ACVR1: variants seen among roughly 807,000 people sequenced by gnomAD.
ACVR1 encodes activin receptor type-1.
Under a neutral mutation model 57.1 loss-of-function variants are expected in ACVR1, and 38 were observed. That is an observed-to-expected ratio of 0.67 (90% CI 0.51 to 0.87). The LOEUF (loss-of-function observed/expected upper bound fraction) is 0.87, where lower values mean the gene tolerates loss of function less well. Among genes scored for constraint, ACVR1 ranks in the 40% least tolerant of loss-of-function variants. The pLI is 0.00. For synonymous variants in ACVR1, 212 were observed against 228.1 expected (o/e 0.93, Z 0.63); for missense variants, 463 against 638.2 (o/e 0.73, Z 2.96).
chr2:157,778,378 G>A lies in ACVR1; in HGVS notation c.332-36C>T, dbSNP rs761940481. ...AGGGAAAAGGGGGAATTAGTTGTAA[G>A]GATCACTGCTTACTTATTATTAGCA... On this transcript the variant is annotated intron_variant, in intron 4 of 10. Coordinates refer to ENST00000434821, the MANE Select transcript of ACVR1 (RefSeq NM_001111067.4). The A allele has an allele frequency of 4.6e-6, 7 of 1,533,760 alleles. No homozygotes were observed. The African/African-American group carries it at 9.5e-5, about 21-fold the overall frequency.
intron 9 of ACVR1, among the ~76,000 whole-genome samples, chr2:157,741,973 G>A (rs1242976080): frequency 6.6e-6 from 1 of 152,062 alleles, no homozygotes; most frequent in Non-Finnish European, 1.5e-5. Context: ...GCAGAGGGAG[G>A]CTATGGGGCA....
intron 8 of ACVR1, 52 bp from the exon 9 acceptor site, chr2:157,761,129 G>A: frequency 6.3e-7 from 1 of 1,587,280 alleles, no homozygotes; most frequent in Non-Finnish European, 8.6e-7. Context: ...TCTCATAAGA[G>A]GCTGCTGAAG....
At chr2:157,835,200 C>T (rs1056761592) in intron 1 of ACVR1, among the ~76,000 whole-genome samples, 4 of 152,176 alleles carry the variant, frequency 2.6e-5, no homozygotes, top group East Asian at 1.9e-4. Context: ...CACTATGCCC[C>T]CTTCCTCCCC....
At chr2:157,789,854 G>A (rs1033844990) in intron 3 of ACVR1, among the ~76,000 whole-genome samples, 4 of 152,210 alleles carry the variant, frequency 2.6e-5, no homozygotes, top group Non-Finnish European at 5.9e-5. Context: ...TTCTAAAGCT[G>A]AGGCTGTATA....
chr2:157,834,738 CA>C (rs1229337954), intron 1 of ACVR1, among the ~76,000 whole-genome samples: 1 of 152,114 alleles, frequency 6.6e-6, no homozygotes, highest in Non-Finnish European at 1.5e-5. Context: ...TGTATCCTCT[CA>C]AATTCATATG....
intron 2 of ACVR1, among the ~76,000 whole-genome samples, chr2:157,809,378 G>C (rs1237757233): frequency 6.6e-6 from 1 of 152,118 alleles, no homozygotes; most frequent in African/African-American, 2.4e-5. Flanking sequence ...ATTGTGGTAT[G>C]ACTCAACAAA....
chr2:157,862,433 ACAC>A (rs1171339904), intron 1 of ACVR1, among the ~76,000 whole-genome samples: 3 of 132,560 alleles, frequency 2.3e-5, no homozygotes, highest in Non-Finnish European at 5.1e-5. Context: ...ACACACACAC[ACAC>A]ACACACACAC....
chr2:157,809,829 C>G (rs1305980244), intron 2 of ACVR1, among the ~76,000 whole-genome samples: 1 of 152,116 alleles, frequency 6.6e-6, no homozygotes, highest in Non-Finnish European at 1.5e-5. Context: ...AATCCCAGCA[C>G]TTTGGGAGGC....
chr2:157,812,365 A>C lies in ACVR1; in HGVS notation c.-8+6020T>G, dbSNP rs557404540. Among the ~76,000 whole-genome samples, 4 of 152,298 alleles carry C rather than the reference A, an allele frequency of 2.6e-5. No individual in the cohort carries two copies. In the East Asian group the frequency reaches 7.7e-4, roughly 29 times the overall value. On this transcript the variant is annotated intron_variant, in intron 2 of 10. Transcript: ENST00000434821. ...AGGTTTAAGAGACTTACAAAACATA[A>C]AGAGATAATACGAGACCAATCTGTA...
intron 3 of ACVR1, among the ~76,000 whole-genome samples, chr2:157,785,379 C>T (rs1355965740): frequency 6.6e-6 from 1 of 152,308 alleles, no homozygotes; most frequent in East Asian, 1.9e-4. Context: ...GTCCTTCCAT[C>T]GTCTCCTAAT....
At chr2:157,865,182 T>C (rs1454842744) in intron 1 of ACVR1, among the ~76,000 whole-genome samples, 1 of 149,764 alleles carries the variant, frequency 6.7e-6, no homozygotes, top group East Asian at 1.9e-4. Flanking sequence ...AACAAATTAC[T>C]AAACTTTAGA....
At chr2:157,787,796 T>C (rs1686767337) in intron 3 of ACVR1, among the ~76,000 whole-genome samples, 2 of 152,162 alleles carry the variant, frequency 1.3e-5, no homozygotes, top group African/African-American at 2.4e-5. Flanking sequence ...CAGGAAACAT[T>C]TAACAATGGG....
At chr2:157,784,731 G>A (rs1686652108) in intron 3 of ACVR1, among the ~76,000 whole-genome samples, 1 of 152,220 alleles carries the variant, frequency 6.6e-6, no homozygotes, top group South Asian at 2.1e-4. Flanking sequence ...AGCGGTGCAG[G>A]CTGGGAATCC....
intron 1 of ACVR1, among the ~76,000 whole-genome samples, chr2:157,838,873 A>G (rs889806249): frequency 2.0e-5 from 3 of 152,042 alleles, no homozygotes; most frequent in African/African-American, 7.2e-5. Context: ...GGTAAGTAGA[A>G]CCTAAAAATT....
chr2:157,855,308 G>GTGTGTGTGTATA (rs1307480066), intron 1 of ACVR1, among the ~76,000 whole-genome samples: 27 of 51,660 alleles, frequency 5.2e-4, no homozygotes, highest in African/African-American at 8.7e-4. Context: ...GTGTGTGTGT[G>GTGTGTGTGTATA]TATATATATA....
chr2:157,801,046 C>T (rs560458832), intron 2 of ACVR1, among the ~76,000 whole-genome samples: 1 of 152,296 alleles, frequency 6.6e-6, no homozygotes, highest in South Asian at 2.1e-4. Flanking sequence ...CACTGGTCCA[C>T]TCATCTCCAA....
rs1430458145 is a variant in ACVR1 at position 157,780,689 on chromosome 2, A to G, written c.68-89T>C. On this transcript the variant is annotated intron_variant, in intron 3 of 10. Coordinates refer to ENST00000434821, the MANE Select transcript of ACVR1 (RefSeq NM_001111067.4). Reference sequence around the variant, plus strand: ...TTCATTGAGGGAATGACCATTCCAAACACCTCTATCAACAGAAAGTCAAGC... The same window carrying G: ...TTCATTGAGGGAATGACCATTCCAAGCACCTCTATCAACAGAAAGTCAAGC... The G allele has an allele frequency of 2.0e-6, 3 of 1,481,174 alleles. No individual in the cohort carries two copies. In the East Asian group the frequency reaches 7.0e-5, roughly 35 times the overall value. 91.8% of individuals were successfully genotyped at this position (1,481,174 alleles called of 1,614,324 possible).
At position 157,876,048 on chromosome 2, in the gene ACVR1, G is replaced by A. The variant is rs1396719553; in HGVS notation, c.-435C>T. Among the ~76,000 whole-genome samples, 1 of 148,826 alleles carries A rather than the reference G, an allele frequency of 6.7e-6. No homozygotes were observed. The highest frequency in any genetic ancestry group is 1.5e-5 in the Non-Finnish European group (1 of 66,806). ...GGCCCTGGGGCCGGCGCGGCTGGCC[G>A]AGGAGCAGGCTGGCAGCGGCAGCGG... On this transcript the variant is annotated 5_prime_UTR_variant, in exon 1 of 11. Coordinates refer to ENST00000434821, the MANE Select transcript of ACVR1 (RefSeq NM_001111067.4).
At chr2:157,794,478 C>T (rs1687031956) in intron 3 of ACVR1, among the ~76,000 whole-genome samples, 1 of 151,922 alleles carries the variant, frequency 6.6e-6, no homozygotes, top group Admixed American at 6.5e-5. Context: ...CTAGCATGCA[C>T]CAGACATAAT....
Sources: gnomAD v4.1 joint callset for allele counts (sites outside exome capture counted in the v4.1 genomes callset) on GRCh38, gnomAD v4.1.1 for gene constraint, MANE v1.5 for transcripts, NCBI Gene and HGNC (gene_info 2026-07-23, HGNC 2026-07-21) for gene names.